Variants in MRAP2 observed in about 807,000 individuals in gnomAD.
The protein encoded by MRAP2 is melanocortin 2 receptor accessory protein 2, also known as melanocortin-2 receptor accessory protein 2.
A neutral mutation model predicts 17.4 loss-of-function variants in MRAP2; 20 were observed. The ratio of observed to expected loss-of-function variants is 1.15; its 90% CI spans 0.81 to 1.67. MRAP2 has a LOEUF of 1.67. MRAP2 is among the 40% of genes most tolerant of loss of function. The pLI is 0.00. For synonymous variants in MRAP2, 96 were observed against 88.4 expected, an observed-to-expected ratio of 1.09 and a Z score of -0.48; for missense variants, 238 against 240.0, an observed-to-expected ratio of 0.99 and a Z score of 0.05.
chr6:84,063,234 C>T, intron 3 of MRAP2: 3 of 985,372 alleles, frequency 3.0e-6, no homozygotes, highest in Non-Finnish European at 3.6e-6. Context: ...TCCTTTCCTA[C>T]AGTCTTAATG....
At chr6:84,133,832 C>G in the MRAP2 span, among the ~76,000 whole-genome samples, 97 of 152,318 alleles carry the variant, frequency 6.4e-4, 1 homozygote, top group Non-Finnish European at 1.2e-3. Context: ...TGATGCCCTG[C>G]CCTGCTTCGG....
the MRAP2 span, among the ~76,000 whole-genome samples, chr6:84,119,369 G>A: frequency 1.3e-5 from 2 of 151,988 alleles, no homozygotes; most frequent in African/African-American, 4.8e-5. Context: ...TGTTGTTGTT[G>A]TGCAATTATT....
chr6:84,131,554 G>A, the MRAP2 span, among the ~76,000 whole-genome samples: 1 of 152,174 alleles, frequency 6.6e-6, no homozygotes, highest in African/African-American at 2.4e-5. Context: ...TATATATTTA[G>A]GATAGTTAGC....
At chr6:84,051,691 C>T (rs2099490459) in intron 1 of MRAP2, among the ~76,000 whole-genome samples, 1 of 152,128 alleles carries the variant, frequency 6.6e-6, no homozygotes, top group South Asian at 2.1e-4. Flanking sequence ...CCATCGCATT[C>T]CTACCTGGGC....
the MRAP2 span, among the ~76,000 whole-genome samples, chr6:84,116,077 AAG>A: frequency 6.6e-6 from 1 of 152,194 alleles, no homozygotes; most frequent in Non-Finnish European, 1.5e-5. Flanking sequence ...GCAAACAAAA[AAG>A]AGTTTGACTT....
intron 1 of MRAP2, among the ~76,000 whole-genome samples, chr6:84,037,196 TGAGCTA>T (rs1369905468): frequency 5.9e-5 from 9 of 151,966 alleles, no homozygotes; most frequent in Admixed American, 3.3e-4. Context: ...TTACAAACCT[TGAGCTA>T]GACACAGAGT....
At chr6:84,079,198 G>C (rs1319579909) in intron 3 of MRAP2, among the ~76,000 whole-genome samples, 1 of 152,164 alleles carries the variant, frequency 6.6e-6, no homozygotes, top group African/African-American at 2.4e-5. Context: ...ATTGTAGTAT[G>C]TTCATACAAT....
At chr6:84,137,927 T>C in the MRAP2 span, among the ~76,000 whole-genome samples, 1 of 152,186 alleles carries the variant, frequency 6.6e-6, no homozygotes, top group East Asian at 1.9e-4. Flanking sequence ...GACATAATTT[T>C]AAAAGATGTG....
chr6:84,046,848 AG>A (rs2099489182), intron 1 of MRAP2, among the ~76,000 whole-genome samples: 1 of 150,912 alleles, frequency 6.6e-6, no homozygotes, highest in Non-Finnish European at 1.5e-5. Context: ...AGGACTGGTC[AG>A]GGTGAGAGGA....
chr6:84,140,901 T>C, the MRAP2 span, among the ~76,000 whole-genome samples: 1 of 152,124 alleles, frequency 6.6e-6, no homozygotes, highest in African/African-American at 2.4e-5. Context: ...CAGGGACTGG[T>C]TTTGTGGAAG....
At chr6:84,097,830 A>G in the MRAP2 span, among the ~76,000 whole-genome samples, 2 of 152,174 alleles carry the variant, frequency 1.3e-5, no homozygotes, top group African/African-American at 2.4e-5. Context: ...TTGATACAAC[A>G]TGGGAAATTA....
the MRAP2 span, among the ~76,000 whole-genome samples, chr6:84,099,877 A>G: frequency 2.0e-5 from 2 of 100,820 alleles, no homozygotes; most frequent in African/African-American, 7.7e-5. Context: ...TTTTTTTTTT[A>G]TTTGAGACAG....
At chr6:84,064,057 A>G (rs866381584) in intron 3 of MRAP2, among the ~76,000 whole-genome samples, 58 of 151,684 alleles carry the variant, frequency 3.8e-4, no homozygotes, top group African/African-American at 1.3e-3. Flanking sequence ...AAAAAGAAAA[A>G]GAAAAAAAGT....
At chr6:84,111,559 T>C in the MRAP2 span, among the ~76,000 whole-genome samples, 1 of 152,206 alleles carries the variant, frequency 6.6e-6, no homozygotes, top group East Asian at 1.9e-4. Context: ...AAAGAGACAA[T>C]TTGACTTCCT....
chr6:84,067,715 C>A (rs531030682), intron 3 of MRAP2, among the ~76,000 whole-genome samples: 304 of 144,822 alleles, frequency 2.1e-3, no homozygotes, highest in African/African-American at 7.6e-3. Flanking sequence ...TTTTAGCCCA[C>A]TTTTGGATGG....
chr6:84,067,062 C>T (rs1278066613), intron 3 of MRAP2, among the ~76,000 whole-genome samples: 6 of 152,002 alleles, frequency 3.9e-5, no homozygotes, highest in African/African-American at 1.2e-4. Flanking sequence ...CAAGCCCCCA[C>T]AGTCCATTGT....
At chr6:84,134,269 C>G in the MRAP2 span, among the ~76,000 whole-genome samples, 81 of 152,168 alleles carry the variant, frequency 5.3e-4, no homozygotes, top group Non-Finnish European at 8.8e-5. Flanking sequence ...GAATTTCAAG[C>G]CAGTGGATCT....
At chr6:84,132,162 T>A in the MRAP2 span, among the ~76,000 whole-genome samples, 1 of 152,260 alleles carries the variant, frequency 6.6e-6, no homozygotes, top group Non-Finnish European at 1.5e-5. Flanking sequence ...GAATGTTGAA[T>A]GTTGGCCCCC....
At chr6:84,048,483 A>G (rs1336877663) in intron 1 of MRAP2, among the ~76,000 whole-genome samples, 1 of 152,200 alleles carries the variant, frequency 6.6e-6, no homozygotes, top group East Asian at 1.9e-4. Context: ...CTGGCTTGGT[A>G]TTCTACTGAT....
Sources: allele counts gnomAD v4.1 joint callset (sites outside exome capture counted in the v4.1 genomes callset), GRCh38; gene constraint gnomAD v4.1.1; transcripts MANE v1.5; gene names NCBI Gene and HGNC (gene_info 2026-07-23, HGNC 2026-07-21).